MGAT4C: variants seen among roughly 807,000 people sequenced by gnomAD.
The protein encoded by MGAT4C is alpha-1,3-mannosyl-glycoprotein 4-beta-N-acetylglucosaminyltransferase C.
In MGAT4C, 19 loss-of-function variants were observed where a neutral mutation model predicts 40.1. That is an observed-to-expected ratio of 0.47 (90% CI 0.33 to 0.70). The LOEUF (loss-of-function observed/expected upper bound fraction) is 0.70. MGAT4C is among the 30% of genes least tolerant of loss of function. MGAT4C has a pLI of 0.02. For synonymous variants in MGAT4C, 181 were observed against 187.1 expected (o/e 0.97, Z 0.27); for missense variants, 491 against 563.2 (o/e 0.87, Z 1.30).
At chr12:86,076,944 A>G (rs1205342393) in intron 1 of MGAT4C, among the ~76,000 whole-genome samples, 1 of 152,178 alleles carries the variant, frequency 6.6e-6, no homozygotes, top group African/African-American at 2.4e-5. Flanking sequence ...TAAGGCAGGA[A>G]GCATCCAGCA....
chr12:86,574,628 G>T (rs1302141902), intron 2 of MGAT4C, among the ~76,000 whole-genome samples: 1 of 151,628 alleles, frequency 6.6e-6, no homozygotes, highest in Non-Finnish European at 1.5e-5. Context: ...CTAGTTATTT[G>T]GTTCATAAAC....
intron 2 of MGAT4C, among the ~76,000 whole-genome samples, chr12:86,709,195 T>C (rs983144721): frequency 2.6e-5 from 4 of 152,138 alleles, no homozygotes; most frequent in African/African-American, 9.7e-5. Flanking sequence ...GATGGTTTTA[T>C]AAGGGAAGTT....
intron 1 of MGAT4C, among the ~76,000 whole-genome samples, chr12:86,750,600 G>T (rs564899586): frequency 5.3e-5 from 8 of 151,944 alleles, no homozygotes; most frequent in Non-Finnish European, 1.2e-4. Context: ...CATTTGGGAA[G>T]ATATTATAGT....
At chr12:86,393,649 A>T (rs1046514271) in intron 3 of MGAT4C, among the ~76,000 whole-genome samples, 8 of 152,190 alleles carry the variant, frequency 5.3e-5, no homozygotes, top group Admixed American at 2.0e-4. Context: ...TTCCCTGATA[A>T]GTAAAAATTG....
At chr12:86,772,375 A>G (rs893619329) in intron 1 of MGAT4C, among the ~76,000 whole-genome samples, 4 of 152,210 alleles carry the variant, frequency 2.6e-5, no homozygotes, top group Non-Finnish European at 5.9e-5. Flanking sequence ...GATGGAACAA[A>G]ATTCTACAGG....
upstream of MGAT4C, among the ~76,000 whole-genome samples, chr12:86,259,210 T>C (rs1952604807): frequency 6.6e-6 from 1 of 152,018 alleles, no homozygotes; most frequent in Non-Finnish European, 1.5e-5. Context: ...GTGTTTCTTT[T>C]GGAAAAGTAG....
At chr12:86,183,744 T>C (rs182334602) in intron 1 of MGAT4C, among the ~76,000 whole-genome samples, 4 of 152,266 alleles carry the variant, frequency 2.6e-5, no homozygotes, top group Admixed American at 2.0e-4. Context: ...GACCTTACCA[T>C]GCTGTATGCA....
At chr12:86,390,021 T>C (rs1326425852) in intron 3 of MGAT4C, among the ~76,000 whole-genome samples, 3 of 152,218 alleles carry the variant, frequency 2.0e-5, no homozygotes, top group African/African-American at 4.8e-5. Context: ...TTAGAGAGCA[T>C]GCACTTTTTA....
intron 4 of MGAT4C, among the ~76,000 whole-genome samples, chr12:86,307,565 C>T (rs1170089918): frequency 6.7e-6 from 1 of 150,294 alleles, no homozygotes; most frequent in Non-Finnish European, 1.5e-5. Flanking sequence ...TTTTCAGCAA[C>T]AATTTTATAT....
intron 2 of MGAT4C, among the ~76,000 whole-genome samples, chr12:86,688,275 C>T (rs190753196): frequency 4.4e-4 from 67 of 151,098 alleles, no homozygotes; most frequent in African/African-American, 1.6e-3. Flanking sequence ...ATACAGCACA[C>T]CGATGGGTCT....
intron 2 of MGAT4C, among the ~76,000 whole-genome samples, chr12:86,707,450 G>C (rs1235260479): frequency 2.0e-5 from 3 of 152,126 alleles, no homozygotes; most frequent in Non-Finnish European, 4.4e-5. Flanking sequence ...ACAGCATTTT[G>C]GCTCTGTCCT....
chr12:86,545,218 G>T (rs1053292101), intron 2 of MGAT4C, among the ~76,000 whole-genome samples: 1 of 151,948 alleles, frequency 6.6e-6, no homozygotes, highest in Non-Finnish European at 1.5e-5. Flanking sequence ...TTATACACTT[G>T]CTGAGAGAGT....
chr12:86,193,140 CTTTAAA>C (rs1168659061), intron 1 of MGAT4C, among the ~76,000 whole-genome samples: 1 of 151,796 alleles, frequency 6.6e-6, no homozygotes, highest in Non-Finnish European at 1.5e-5. Flanking sequence ...ATATATTTGA[CTTTAAA>C]TTTAACACTT....
chr12:86,303,117 T>A (rs574062738), intron 4 of MGAT4C, among the ~76,000 whole-genome samples: 6 of 150,704 alleles, frequency 4.0e-5, no homozygotes, highest in Non-Finnish European at 7.3e-5. Context: ...AACTCAACAT[T>A]TTAACCTCCA....
intron 1 of MGAT4C, among the ~76,000 whole-genome samples, chr12:86,059,063 G>A (rs1266311747): frequency 2.0e-5 from 3 of 151,698 alleles, no homozygotes; most frequent in Non-Finnish European, 4.4e-5. Context: ...TTTGTTTTTC[G>A]AAACAGAGTC....
intron 1 of MGAT4C, among the ~76,000 whole-genome samples, chr12:86,782,529 T>C (rs1478576262): frequency 6.6e-6 from 1 of 152,120 alleles, no homozygotes; most frequent in Non-Finnish European, 1.5e-5. Context: ...ATAGGGTTAA[T>C]ATAAATATCT....
chr12:86,788,899 A>G (rs555400183), intron 1 of MGAT4C, among the ~76,000 whole-genome samples: 1 of 152,280 alleles, frequency 6.6e-6, no homozygotes, highest in South Asian at 2.1e-4. Flanking sequence ...ATACTTTTGT[A>G]GCCAATGTAT....
At chr12:86,190,305 T>C (rs1889239562) in intron 1 of MGAT4C, among the ~76,000 whole-genome samples, 1 of 152,158 alleles carries the variant, frequency 6.6e-6, no homozygotes, top group Non-Finnish European at 1.5e-5. Flanking sequence ...GATTATGTCA[T>C]TCAATAATTA....
intron 1 of MGAT4C, among the ~76,000 whole-genome samples, chr12:86,795,546 A>C (rs2136197233): frequency 6.6e-6 from 1 of 152,050 alleles, no homozygotes; most frequent in African/African-American, 2.4e-5. Context: ...CTCAAGCTTA[A>C]AAACGGCATT....
Sources: gnomAD v4.1 joint callset for allele counts (sites outside exome capture counted in the v4.1 genomes callset) on GRCh38, gnomAD v4.1.1 for gene constraint, MANE v1.5 for transcripts, NCBI Gene and HGNC (gene_info 2026-07-23, HGNC 2026-07-21) for gene names.